Variants in SYT16 observed in about 807,000 individuals in gnomAD.
SYT16 encodes synaptotagmin 16.
Under a neutral mutation model 61.4 loss-of-function variants are expected in SYT16, and 42 were observed. The observed-to-expected ratio is 0.68, with a 90% confidence interval of 0.53 to 0.89. SYT16 has a LOEUF of 0.89. Ranked by LOEUF, SYT16 falls within the 40% of genes least tolerant of loss-of-function variation. The pLI is 0.00. For missense variants in SYT16, 804 were observed against 807.3 expected (o/e 1.00, Z 0.05); for synonymous variants, 314 against 302.3 (o/e 1.04, Z -0.40).
intron 7 of SYT16, among the ~76,000 whole-genome samples, chr14:62,086,998 G>A (rs910035284): frequency 6.6e-6 from 1 of 152,212 alleles, no homozygotes; most frequent in Non-Finnish European, 1.5e-5. Flanking sequence ...GAAAGTAGAA[G>A]GTTCCTTTGT....
At chr14:61,835,952 G>T (rs2140243827) in intron 1 of SYT16, among the ~76,000 whole-genome samples, 1 of 152,236 alleles carries the variant, frequency 6.6e-6, no homozygotes, top group South Asian at 2.1e-4. Context: ...TAGAACGGTG[G>T]TTTACAAAAT....
At chr14:62,027,548 G>C (rs962783852) in intron 3 of SYT16, among the ~76,000 whole-genome samples, 1 of 152,176 alleles carries the variant, frequency 6.6e-6, no homozygotes, top group Non-Finnish European at 1.5e-5. Context: ...TCTCTCACTA[G>C]ATATTCCATT....
chr14:62,012,453 A>G (rs2053507484), intron 3 of SYT16, among the ~76,000 whole-genome samples: 1 of 152,204 alleles, frequency 6.6e-6, no homozygotes, highest in African/African-American at 2.4e-5. Context: ...GTCTGATAGC[A>G]AAAGGAATCT....
intron 1 of SYT16, among the ~76,000 whole-genome samples, chr14:61,859,842 A>G (rs541027478): frequency 6.6e-6 from 1 of 152,252 alleles, no homozygotes; most frequent in South Asian, 2.1e-4. Flanking sequence ...CTCCCTAAAG[A>G]CTAACATAAA....
At chr14:61,997,248 A>C (rs1213228174) in intron 3 of SYT16, among the ~76,000 whole-genome samples, 1 of 152,108 alleles carries the variant, frequency 6.6e-6, no homozygotes, top group Non-Finnish European at 1.5e-5. Flanking sequence ...CCTTGAAGTA[A>C]GGACATTCCA....
chr14:62,080,162 C>T (rs573286550), intron 5 of SYT16, among the ~76,000 whole-genome samples: 101 of 152,276 alleles, frequency 6.6e-4, no homozygotes, highest in African/African-American at 2.4e-3. Flanking sequence ...GTGGAGGTGT[C>T]CTCCTAAATC....
chr14:61,906,674 C>T (rs1469081477), intron 1 of SYT16, among the ~76,000 whole-genome samples: 1 of 152,064 alleles, frequency 6.6e-6, no homozygotes, highest in East Asian at 1.9e-4. Flanking sequence ...TATAAATGAA[C>T]AGCTACACTA....
At position 62,023,869 on chromosome 14, in the gene SYT16, G is replaced by C. The variant is rs115445821; in HGVS notation, c.523+27327G>C. ...TTTATCTTATCTTTAACCAAACATT[G>C]GTAGTGTATTCTTTTTCAAACATGT... On this transcript the variant is annotated intron_variant, in intron 3 of 7. Coordinates refer to ENST00000683842, the MANE Select transcript of SYT16 (RefSeq NM_001367656.1). 2.6e-3 allele frequency among the ~76,000 whole-genome samples: 393 copies of C among 152,132 alleles called. 4 individuals carry two copies. The highest frequency in any genetic ancestry group is 8.9e-3 in the African/African-American group (370 of 41,524).
chr14:61,936,307 A>G (rs1242957861), intron 1 of SYT16, among the ~76,000 whole-genome samples: 1 of 152,130 alleles, frequency 6.6e-6, no homozygotes, highest in Non-Finnish European at 1.5e-5. Context: ...ATTTTCTGCC[A>G]TGATTTCCCA....
chr14:62,086,999 G>T (rs376907992), intron 7 of SYT16, among the ~76,000 whole-genome samples: 4 of 152,196 alleles, frequency 2.6e-5, no homozygotes, highest in East Asian at 1.9e-4. Context: ...AAAGTAGAAG[G>T]TTCCTTTGTG....
At chr14:61,859,217 A>G (rs1176128299) in intron 1 of SYT16, among the ~76,000 whole-genome samples, 1 of 152,140 alleles carries the variant, frequency 6.6e-6, no homozygotes, top group Non-Finnish European at 1.5e-5. Flanking sequence ...AGACGTAGAC[A>G]GCCAACCTGG....
At chr14:61,930,648 A>G (rs1003489269) in intron 1 of SYT16, among the ~76,000 whole-genome samples, 2 of 152,090 alleles carry the variant, frequency 1.3e-5, no homozygotes, top group Non-Finnish European at 2.9e-5. Flanking sequence ...GTTAGGTTAC[A>G]TGACAATGGG....
In SYT16 at chr14:62,081,663, G is replaced by A. The variant is rs1595370807; in HGVS notation, c.1434+389G>A. Among the ~76,000 whole-genome samples the A allele has an allele frequency of 2.0e-5, 3 of 152,290 alleles. 1 individual carries two copies. The highest frequency in any genetic ancestry group is 4.4e-5 in the Non-Finnish European group (3 of 68,014). Reference sequence around the variant, plus strand: ...CAAGGTTCTTAACGGGTATGCTGGGGCAGACTGAGAGAGCAGCCCAGAACT... The same window carrying A: ...CAAGGTTCTTAACGGGTATGCTGGGACAGACTGAGAGAGCAGCCCAGAACT... On this transcript the variant is annotated intron_variant, in intron 6 of 7. Transcript: ENST00000683842.
chr14:61,915,441 T>C (rs1052122012), intron 1 of SYT16, among the ~76,000 whole-genome samples: 14 of 152,190 alleles, frequency 9.2e-5, no homozygotes, highest in African/African-American at 3.4e-4. Flanking sequence ...TCTTTGAATT[T>C]ATAAACATCG....
intron 3 of SYT16, among the ~76,000 whole-genome samples, chr14:62,069,137 C>T (rs940835694): frequency 3.3e-5 from 5 of 151,816 alleles, no homozygotes; most frequent in Admixed American, 6.6e-5. Context: ...AAAATAAAAT[C>T]GTGTTGTAGA....
intron 3 of SYT16, among the ~76,000 whole-genome samples, chr14:62,066,153 A>C (rs901187844): frequency 6.6e-6 from 1 of 152,096 alleles, no homozygotes; most frequent in African/African-American, 2.4e-5. Context: ...CAGACCTTTA[A>C]AATGATCCAA....
intron 5 of SYT16, among the ~76,000 whole-genome samples, chr14:62,079,591 A>G (rs2056633975): frequency 6.6e-6 from 1 of 152,200 alleles, no homozygotes; most frequent in Non-Finnish European, 1.5e-5. Context: ...AGTTTCATTG[A>G]TGGATGCACA....
chr14:62,080,178 TGCTCAAAGTGTG>T (rs2056656872), intron 5 of SYT16, among the ~76,000 whole-genome samples: 1 of 152,238 alleles, frequency 6.6e-6, no homozygotes. Context: ...AAATCCTTGC[TGCTCAAAGTGTG>T]AGCCGAGGCT....
intron 1 of SYT16, chr14:61,831,918 G>A (rs2045949616): frequency 1.9e-6 from 1 of 515,146 alleles, no homozygotes; most frequent in South Asian, 1.9e-5. Flanking sequence ...CCCTGCAGGG[G>A]TTCACCTCAT....
Sources: allele counts gnomAD v4.1 joint callset (sites outside exome capture counted in the v4.1 genomes callset), GRCh38; gene constraint gnomAD v4.1.1; transcripts MANE v1.5; gene names NCBI Gene and HGNC (gene_info 2026-07-23, HGNC 2026-07-21).